FERRY3: variants seen among roughly 807,000 people sequenced by gnomAD.
The protein encoded by FERRY3 is protein C12orf4.
At chr12:4,491,544 A>G in the FERRY3 span, among the ~76,000 whole-genome samples, 1 of 152,312 alleles carries the variant, frequency 6.6e-6, no homozygotes, top group Admixed American at 6.5e-5. Context: ...ACTACTCTCA[A>G]TGTTAGCATG....
the FERRY3 span, among the ~76,000 whole-genome samples, chr12:4,538,205 C>A: frequency 7.2e-5 from 11 of 152,144 alleles, no homozygotes; most frequent in Admixed American, 3.3e-4. Flanking sequence ...ACCGTGAAAT[C>A]CAGGAAGGTT....
chr12:4,504,646 T>A, the FERRY3 span, among the ~76,000 whole-genome samples: 1 of 152,362 alleles, frequency 6.6e-6, no homozygotes, highest in Admixed American at 6.5e-5. Flanking sequence ...AAGTGTATAG[T>A]TTATATTTCA....
chr12:4,492,247 A>C, the FERRY3 span, among the ~76,000 whole-genome samples: 1 of 152,218 alleles, frequency 6.6e-6, no homozygotes, highest in African/African-American at 2.4e-5. Flanking sequence ...TAGTAAGTGT[A>C]ATAATGTTTT....
At chr12:4,535,268 C>T in the FERRY3 span, among the ~76,000 whole-genome samples, 212 of 152,296 alleles carry the variant, frequency 1.4e-3, no homozygotes, top group Non-Finnish European at 1.1e-3. This position sits in a 1 kb window ranked among gnomAD's most constrained non-coding sequence, Gnocchi z 4.0. Flanking sequence ...AAACAGACTG[C>T]CACATGCTAC....
the FERRY3 span, among the ~76,000 whole-genome samples, chr12:4,510,251 G>A: frequency 6.7e-6 from 1 of 148,954 alleles, no homozygotes; most frequent in African/African-American, 2.6e-5. Flanking sequence ...TATGTGAAAA[G>A]ACCAAATCTA....
chr12:4,529,960 C>T, the FERRY3 span: 4 of 1,613,496 alleles, frequency 2.5e-6, 1 homozygote, highest in South Asian at 3.3e-5. Flanking sequence ...AAGAGAGTTT[C>T]AGAGGCAGGA....
the FERRY3 span, chr12:4,529,801 G>C: frequency 1.6e-6 from 2 of 1,274,766 alleles, no homozygotes; most frequent in East Asian, 5.1e-5. Flanking sequence ...ATAAAAACAA[G>C]TTGTTCTGCA....
chr12:4,527,214 G>T, the FERRY3 span, among the ~76,000 whole-genome samples: 1 of 151,880 alleles, frequency 6.6e-6, no homozygotes, highest in African/African-American at 2.4e-5. Flanking sequence ...TCTAGAATCT[G>T]GTTTGCTTAA....
the FERRY3 span, among the ~76,000 whole-genome samples, chr12:4,493,364 G>A: frequency 6.6e-6 from 1 of 152,150 alleles, no homozygotes; most frequent in African/African-American, 2.4e-5. Context: ...CAATACACAT[G>A]CTCAAAAACA....
the FERRY3 span, among the ~76,000 whole-genome samples, chr12:4,517,684 AATATAT>A: frequency 4.3e-5 from 6 of 140,558 alleles, no homozygotes; most frequent in African/African-American, 1.6e-4. Context: ...AGGTTATTAA[AATATAT>A]ATATATATAT....
chr12:4,528,291 AAAGT>A, the FERRY3 span, among the ~76,000 whole-genome samples: 1 of 152,154 alleles, frequency 6.6e-6, no homozygotes, highest in Non-Finnish European at 1.5e-5. Flanking sequence ...AGTTCAACAG[AAAGT>A]AATTAATTAG....
the FERRY3 span, among the ~76,000 whole-genome samples, chr12:4,503,894 A>G: frequency 6.6e-6 from 1 of 152,236 alleles, no homozygotes; most frequent in African/African-American, 2.4e-5. Flanking sequence ...TAGTTCTTCC[A>G]GAGTAGTAAT....
the FERRY3 span, chr12:4,533,973 T>C: frequency 6.2e-6 from 3 of 487,490 alleles, no homozygotes; most frequent in Non-Finnish European, 1.0e-5. Context: ...ATTACATAAA[T>C]AGCATTTTGT....
At chr12:4,521,088 C>T in the FERRY3 span, among the ~76,000 whole-genome samples, 19 of 152,144 alleles carry the variant, frequency 1.2e-4, no homozygotes, top group Non-Finnish European at 1.2e-4. Flanking sequence ...AGGCTGGGTG[C>T]GGTGGCTCAT....
the FERRY3 span, among the ~76,000 whole-genome samples, chr12:4,511,264 G>A: frequency 6.6e-6 from 1 of 151,102 alleles, no homozygotes; most frequent in African/African-American, 2.4e-5. Flanking sequence ...CCTACAAAGA[G>A]ACTTAGACTC....
chr12:4,528,003 T>C, the FERRY3 span, among the ~76,000 whole-genome samples: 71 of 152,192 alleles, frequency 4.7e-4, no homozygotes, highest in African/African-American at 1.7e-3. Flanking sequence ...AACACAAATC[T>C]TCAGATTTAG....
At chr12:4,502,562 A>G in the FERRY3 span, 5 of 354,404 alleles carry the variant, frequency 1.4e-5, no homozygotes, top group African/African-American at 6.6e-5. This position sits in a 1 kb window ranked among gnomAD's most constrained non-coding sequence, Gnocchi z 4.2. Flanking sequence ...GGAAATTCTG[A>G]TAAGTCCTTC....
the FERRY3 span, chr12:4,505,378 A>C: frequency 6.3e-7 from 1 of 1,593,092 alleles, no homozygotes; most frequent in Non-Finnish European, 8.6e-7. Flanking sequence ...TGGTTTCCAG[A>C]ATCTATTCAT....
chr12:4,511,129 A>G, the FERRY3 span, among the ~76,000 whole-genome samples: 1 of 150,730 alleles, frequency 6.6e-6, no homozygotes, highest in African/African-American at 2.4e-5. Flanking sequence ...AACAAAGATC[A>G]AAAGAGACAA....
Sources: allele counts gnomAD v4.1 joint callset (sites outside exome capture counted in the v4.1 genomes callset), GRCh38; gene constraint gnomAD v4.1.1; non-coding constraint Gnocchi (gnomAD v3.1); transcripts MANE v1.5; gene names NCBI Gene and HGNC (gene_info 2026-07-23, HGNC 2026-07-21).